The following PTPA variants were observed in gnomAD, a reference collection of about 807,000 sequenced individuals.
The protein encoded by PTPA is serine/threonine-protein phosphatase 2A activator.
In PTPA, 13 loss-of-function variants were observed where a neutral mutation model predicts 43.6. The observed-to-expected ratio is 0.30, with a 90% CI of 0.19 to 0.47. PTPA has a LOEUF of 0.47. PTPA is among the 20% of genes least tolerant of loss of function. The pLI, the probability that PTPA is intolerant of heterozygous loss-of-function variation, is 0.99. For missense variants in PTPA, 329 were observed against 411.9 expected, an observed-to-expected ratio of 0.80 and a Z score of 1.74; for synonymous variants, 172 against 158.2, an observed-to-expected ratio of 1.09 and a Z score of -0.66.
Position 129,148,067 on chromosome 9 carries a change from GC to G in PTPA, c.*608del. On this transcript the variant is annotated 3_prime_UTR_variant, in exon 10 of 10. Transcript: ENST00000393370. ...CCCCTCCCAGGCTCCTTTTCACCCT[GC>G]CCCCTGGGCCTGAGGCCCCCTGTGT... is the stretch of plus-strand genomic sequence containing the variant. 6.5e-6 allele frequency: 1 copy of G among 154,030 alleles called. No individual in the cohort carries two copies. Among genetic ancestry groups the G allele is most frequent in the Non-Finnish European group, 1.4e-5 (1 of 69,334 alleles). 9.5% of individuals were successfully genotyped at this position (154,030 alleles called of 1,614,324 possible). A position where few individuals can be genotyped will look rare whatever the true frequency, so the allele number is the denominator to read the frequency against.
rs1564197727 is a variant in PTPA, at chr9:129,137,638, G to A, written c.732G>A (p.Val244=). 1.9e-6 allele frequency: 3 copies of A among 1,613,038 alleles called. No homozygotes were observed. Among genetic ancestry groups the A allele is most frequent in the Non-Finnish European group, 2.5e-6 (3 of 1,179,594 alleles). The change falls in exon 8 of 10, where the codon GTG becomes GTA. Residue 244 remains valine (V), a synonymous_variant. Transcript: ENST00000393370. ...EPRHFVDEKA[V]NENHKDYMFL... ...GACACTTTGTGGATGAGAAGGCCGT[G>A]AATGAGAACCACAAGGACTACATGT...
intron 3 of PTPA, among the ~76,000 whole-genome samples, chr9:129,127,584 A>G (rs1849662427): frequency 6.6e-6 from 1 of 152,210 alleles, no homozygotes; most frequent in Admixed American, 6.5e-5. Flanking sequence ...GCCAACCTGG[A>G]AGGAGCACCT....
chr9:129,113,865 C>T (rs1272238165), intron 1 of PTPA, among the ~76,000 whole-genome samples: 2 of 152,014 alleles, frequency 1.3e-5, no homozygotes, highest in Non-Finnish European at 2.9e-5. Context: ...GAATGTGTCC[C>T]TGAAGATGAG....
chr9:129,113,877 G>T (rs753586377), intron 1 of PTPA, among the ~76,000 whole-genome samples: 2 of 152,152 alleles, frequency 1.3e-5, no homozygotes, highest in Non-Finnish European at 2.9e-5. Flanking sequence ...GAAGATGAGT[G>T]GGGGTGGGGA....
rs536328739 is a variant in PTPA at position 129,127,644 on chromosome 9, G to A, written c.217-1341G>A. ...GACAGCCACCCGATTTCTTCATTGA[G>A]TAACATTTTATGTGCCAATGCTGCC... On this transcript the variant is annotated intron_variant, in intron 3 of 9. Coordinates refer to ENST00000393370, the MANE Select transcript of PTPA (RefSeq NM_178000.3). 4.6e-5 allele frequency among the ~76,000 whole-genome samples: 7 copies of A among 152,290 alleles called. No homozygotes were observed. The South Asian group carries it at 1.2e-3, about 27-fold the overall frequency.
Position 129,129,107 on chromosome 9 carries a change from T to C in PTPA, c.339T>C (p.Asp113=). ...ACAGGACCTGGTATGCCAAACTTGA[T>C]GAGGTGAGGCTGCCACAGGACAGGC... is the stretch of plus-strand genomic sequence containing the variant. The part of the protein sequence containing the change: ...KAYRTWYAKL[D]EEAENLVATV... The change falls in exon 4 of 10, where the codon GAT becomes GAC. Residue 113 remains aspartate, a synonymous_variant. Coordinates refer to ENST00000393370, the MANE Select transcript of PTPA (RefSeq NM_178000.3). 1 of 1,612,096 alleles carries C rather than the reference T, an allele frequency of 6.2e-7. No homozygotes were observed. Among genetic ancestry groups the C allele is most frequent in the Non-Finnish European group, 8.5e-7 (1 of 1,179,910 alleles).
intron 1 of PTPA, among the ~76,000 whole-genome samples, chr9:129,115,642 ATTT>A (rs10706402): frequency 2.8e-5 from 4 of 143,824 alleles, no homozygotes; most frequent in Admixed American, 1.4e-4. Flanking sequence ...GAGAGTTTGC[ATTT>A]TTTTTTTTTT....
At chr9:129,142,022 T>C (rs191474841) in intron 8 of PTPA, 1,646 of 161,346 alleles carry the variant, frequency 0.01, 10 homozygotes, top group Non-Finnish European at 0.015. Context: ...AGTGAATCCC[T>C]GTGCTGGAGA....
Position 129,147,675 on chromosome 9 carries a change from T to A in PTPA, c.*211T>A, listed in dbSNP as rs1851392673. 1.1e-5 allele frequency: 6 copies of A among 566,020 alleles called. No individual in the cohort carries two copies. The East Asian group carries it at 1.9e-4, about 18-fold the overall frequency. The allele number at this position is 566,020 out of a possible 1,614,324, so 35.1% of individuals were successfully genotyped here. A position where few individuals can be genotyped will look rare whatever the true frequency, so the allele number is the denominator to read the frequency against. ...GAAGTGACCAAAGTGTAGCCAGTTT[T>A]CTGAGTTCCCGTGTGCTAGACTGGC... On this transcript the variant is annotated 3_prime_UTR_variant, in exon 10 of 10. Coordinates refer to ENST00000393370, the MANE Select transcript of PTPA (RefSeq NM_178000.3).
chr9:129,121,593 A>T (rs1849254184), intron 2 of PTPA, among the ~76,000 whole-genome samples: 1 of 152,216 alleles, frequency 6.6e-6, no homozygotes, highest in Non-Finnish European at 1.5e-5. Context: ...TGAGGGGCAG[A>T]TAATTCTTCA....
At chr9:129,113,277 G>A (rs1391088877) in intron 1 of PTPA, among the ~76,000 whole-genome samples, 2 of 151,472 alleles carry the variant, frequency 1.3e-5, no homozygotes, top group South Asian at 2.1e-4. Flanking sequence ...TTTTTAATAG[G>A]GACAGGGTTT....
At chr9:129,124,548 C>T (rs17481707) in intron 3 of PTPA, among the ~76,000 whole-genome samples, 4,512 of 152,076 alleles carry the variant, frequency 0.03, 255 homozygotes, top group East Asian at 0.27. Context: ...GCTTTTTGGA[C>T]GTTGTTTCAG....
intron 1 of PTPA, among the ~76,000 whole-genome samples, chr9:129,112,922 CAA>C (rs1404696354): frequency 1.5e-5 from 2 of 136,556 alleles, no homozygotes; most frequent in Admixed American, 7.6e-5. Context: ...GCCTGGACAA[CAA>C]GAGTGAAACT....
chr9:129,129,652 G>T (rs559033483), intron 4 of PTPA, among the ~76,000 whole-genome samples: 1 of 151,808 alleles, frequency 6.6e-6, no homozygotes, highest in African/African-American at 2.4e-5. Context: ...TGTATTTTTC[G>T]TAGAGACGGG....
chr9:129,145,700 CAG>C (rs1261385740), intron 9 of PTPA, among the ~76,000 whole-genome samples: 1 of 152,080 alleles, frequency 6.6e-6, no homozygotes, highest in African/African-American at 2.4e-5. Context: ...CAAGTGCTCT[CAG>C]GGGCCTTGTG....
At chr9:129,145,371 A>C (rs1242465702) in intron 9 of PTPA, among the ~76,000 whole-genome samples, 1 of 151,916 alleles carries the variant, frequency 6.6e-6, no homozygotes, top group East Asian at 1.9e-4. Context: ...TGCAGTGTTC[A>C]ACACTCATTG....
chr9:129,111,253 C>A, upstream of PTPA: 1 of 1,165,528 alleles, frequency 8.6e-7, no homozygotes, highest in Non-Finnish European at 1.1e-6. Flanking sequence ...ACAATCGTGG[C>A]AGTCGCGGCG....
Position 129,123,052 on chromosome 9 carries a change from G to T in PTPA, c.130G>T (p.Ala44Ser). 1 of 1,605,938 alleles carries T rather than the reference G, an allele frequency of 6.2e-7. No individual in the cohort carries two copies. ...CCCCATTCTCCTCTCTGTTTGGTAG[G>T]CATACGCTGACTACATCGGATTCAT... is the stretch of plus-strand genomic sequence containing the variant. The part of the protein sequence containing the change: ...PDMGKWKRSQ[A>S]YADYIGFILT... The change falls in exon 3 of 10, where the codon GCA (alanine) becomes TCA (serine). Residue 44 changes from alanine (A) to serine (S), a missense_variant and splice_region_variant. Coordinates refer to ENST00000393370, the MANE Select transcript of PTPA (RefSeq NM_178000.3).
At chr9:129,145,668 C>T (rs1851246449) in intron 9 of PTPA, among the ~76,000 whole-genome samples, 1 of 152,094 alleles carries the variant, frequency 6.6e-6, no homozygotes, top group Non-Finnish European at 1.5e-5. Flanking sequence ...CTGCTCTGTC[C>T]CAGCCTTTCT....
Sources: gnomAD v4.1 joint callset for allele counts (sites outside exome capture counted in the v4.1 genomes callset) on GRCh38, gnomAD v4.1.1 for gene constraint, MANE v1.5 for transcripts, NCBI Gene and HGNC (gene_info 2026-07-23, HGNC 2026-07-21) for gene names.